Variants in KALRN observed in about 807,000 individuals in gnomAD.
The protein encoded by KALRN is kalirin RhoGEF kinase, also known as kalirin.
KALRN carries 70 observed loss-of-function variants against 353.7 expected under a neutral mutation model. The observed-to-expected ratio is 0.20, with a 90% confidence interval of 0.16 to 0.24. KALRN has a LOEUF of 0.24. Among genes scored for constraint, KALRN ranks in the 10% least tolerant of loss-of-function variants. The probability of loss-of-function intolerance (pLI) is 1.00; values close to 1 mark genes in which losing one functional copy is unlikely to be tolerated. For synonymous variants in KALRN, 1,391 were observed against 1,434.8 expected (o/e 0.97, Z 0.69); for missense variants, 2,791 against 3,756.7 (o/e 0.74, Z 6.72).
rs544135302 is a variant in KALRN, at chr3:124,132,248, C to T, written c.74-95742C>T. The stretch of plus-strand genomic sequence containing the variant: ...TCCTATCCCTCCAGCCTCCTCTACC[C>T]TGTTGGAGCCCCAGGTGGACATGTC... On this transcript the variant is annotated intron_variant, in intron 1 of 59. Transcript: ENST00000682506. Among the ~76,000 whole-genome samples the T allele has an allele frequency of 1.2e-4, 18 of 152,324 alleles. No homozygotes were observed. The East Asian group carries it at 3.1e-3, about 26-fold the overall frequency.
At chr3:124,169,422 T>A (rs1187718956) in intron 1 of KALRN, among the ~76,000 whole-genome samples, 1 of 152,180 alleles carries the variant, frequency 6.6e-6, no homozygotes, top group African/African-American at 2.4e-5. Flanking sequence ...TATCTCTCTT[T>A]AATCCTGAGC....
Position 124,344,998 on chromosome 3 carries a change from C to A in KALRN, c.1648-2145C>A, listed in dbSNP as rs148941380. On this transcript the variant is annotated intron_variant, in intron 9 of 59. Coordinates refer to ENST00000682506, the MANE Select transcript of KALRN (RefSeq NM_001388419.1). ...TAGATGAAAAATATTCCTCTTCAAC[C>A]AATTTGCTTCAGAATAACCAATTTT... Among the ~76,000 whole-genome samples the A allele has an allele frequency of 5.3e-5, 8 of 152,204 alleles. No individual in the cohort carries two copies. The East Asian group carries it at 1.2e-3, about 22-fold the overall frequency.
At chr3:124,126,133 G>A (rs2064636456) in intron 1 of KALRN, among the ~76,000 whole-genome samples, 1 of 151,950 alleles carries the variant, frequency 6.6e-6, no homozygotes, top group East Asian at 1.9e-4. Context: ...TGAATGTCTG[G>A]CCAAGAATTG....
At chr3:124,101,169 A>C (rs977588186) in intron 1 of KALRN, among the ~76,000 whole-genome samples, 1 of 152,200 alleles carries the variant, frequency 6.6e-6, no homozygotes, top group African/African-American at 2.4e-5. Context: ...ACTTTCCTTC[A>C]TATTCCCAGA....
At chr3:124,326,272 C>A in intron 7 of KALRN, 101 bp downstream of exon 7, 1 of 916,046 alleles carries the variant, frequency 1.1e-6, no homozygotes, top group Non-Finnish European at 1.6e-6. Context: ...TAGGGAGCTC[C>A]ACCTGTCTTT....
At chr3:124,253,875 C>T (rs186457021) in intron 3 of KALRN, among the ~76,000 whole-genome samples, 1 of 152,312 alleles carries the variant, frequency 6.6e-6, no homozygotes, top group Admixed American at 6.5e-5. Context: ...AATCTTCATC[C>T]CCCTGACTGG....
chr3:124,663,456 AC>A (rs1274326252), intron 45 of KALRN, among the ~76,000 whole-genome samples: 1 of 152,200 alleles, frequency 6.6e-6, no homozygotes, highest in Non-Finnish European at 1.5e-5. Flanking sequence ...ATAACAGTGA[AC>A]CTTTGAAGAG....
chr3:124,558,353 C>A (rs1487870732), intron 33 of KALRN, among the ~76,000 whole-genome samples: 2 of 152,128 alleles, frequency 1.3e-5, no homozygotes, highest in Non-Finnish European at 2.9e-5. Flanking sequence ...TCTCGGCTCA[C>A]TGCAACCTCT....
intron 2 of KALRN, among the ~76,000 whole-genome samples, chr3:124,234,610 C>G (rs912916846): frequency 1.3e-5 from 2 of 152,154 alleles, no homozygotes; most frequent in Non-Finnish European, 2.9e-5. Flanking sequence ...TTTCATCTGC[C>G]TTCTACAGAT....
At chr3:124,443,463 A>C (rs991700614) in intron 19 of KALRN, among the ~76,000 whole-genome samples, 6 of 152,246 alleles carry the variant, frequency 3.9e-5, no homozygotes, top group Non-Finnish European at 7.3e-5. Flanking sequence ...ACCACTGGAA[A>C]GAATGGAATC....
intron 8 of KALRN, among the ~76,000 whole-genome samples, chr3:124,330,281 CACA>C (rs1560583408): frequency 6.7e-6 from 1 of 148,938 alleles, no homozygotes; most frequent in African/African-American, 2.6e-5. Context: ...CACACACACA[CACA>C]CACCCCATAC....
At chr3:124,514,866 T>C (rs1233810361) in intron 33 of KALRN, among the ~76,000 whole-genome samples, 1 of 152,220 alleles carries the variant, frequency 6.6e-6, no homozygotes, top group Non-Finnish European at 1.5e-5. Context: ...AAGAAAATTC[T>C]GTGTTCCATG....
chr3:124,653,834 A>C (rs1164653933), intron 38 of KALRN, among the ~76,000 whole-genome samples: 1 of 152,268 alleles, frequency 6.6e-6, no homozygotes, highest in African/African-American at 2.4e-5. Flanking sequence ...CCTTGTTGTC[A>C]GTTCATTTGG....
Position 124,269,168 on chromosome 3 carries a change from G to A in KALRN, c.882G>A (p.Arg294=), listed in dbSNP as rs370666067. 3.7e-6 allele frequency: 6 copies of A among 1,612,926 alleles called. No individual in the cohort carries two copies. Among genetic ancestry groups the A allele is most frequent in the Non-Finnish European group, 4.2e-6 (5 of 1,179,578 alleles). ...TSLLDKLHST[R]QHLHQMWHVR... ...TCCTGGACAAGCTGCACTCCACCCGGCAGCACCTGCACCAGATGTGGCATG... is the reference window on the plus strand; with the variant it reads ...TCCTGGACAAGCTGCACTCCACCCGACAGCACCTGCACCAGATGTGGCATG... The change falls in exon 5 of 60, where the codon CGG becomes CGA. Residue 294 remains arginine (R), a synonymous_variant. Coordinates refer to ENST00000682506, the MANE Select transcript of KALRN (RefSeq NM_001388419.1).
At chr3:124,543,065 G>T (rs549824083) in intron 33 of KALRN, among the ~76,000 whole-genome samples, 7 of 152,128 alleles carry the variant, frequency 4.6e-5, no homozygotes, top group Admixed American at 1.3e-4. Flanking sequence ...TCTCTCTAGG[G>T]CTGCTTAAAT....
chr3:124,578,336 A>C (rs1197991879), intron 34 of KALRN, among the ~76,000 whole-genome samples: 1 of 152,250 alleles, frequency 6.6e-6, no homozygotes, highest in African/African-American at 2.4e-5. Context: ...AGCCATCCCG[A>C]TATCAGCAAT....
At chr3:124,060,277 C>T (rs1194763742) in intron 1 of KALRN, among the ~76,000 whole-genome samples, 1 of 152,108 alleles carries the variant, frequency 6.6e-6, no homozygotes, top group Non-Finnish European at 1.5e-5. Context: ...GCCAGATGCT[C>T]CTGGTCAGCA....
intron 3 of KALRN, among the ~76,000 whole-genome samples, chr3:124,241,282 A>G (rs546026818): frequency 3.0e-4 from 45 of 152,338 alleles, no homozygotes; most frequent in South Asian, 1.4e-3. Context: ...CTTTATAAGA[A>G]TGGTATTGTA....
At chr3:124,075,586 T>C (rs150485051) in intron 1 of KALRN, among the ~76,000 whole-genome samples, 49 of 152,328 alleles carry the variant, frequency 3.2e-4, no homozygotes, top group African/African-American at 1.1e-3. Flanking sequence ...AGGTTCTCTG[T>C]GAAATCTCTA....
Sources: allele counts gnomAD v4.1 joint callset (sites outside exome capture counted in the v4.1 genomes callset), GRCh38; gene constraint gnomAD v4.1.1; transcripts MANE v1.5; gene names NCBI Gene and HGNC (gene_info 2026-07-23, HGNC 2026-07-21).